The following CREB3L2 variants were observed in gnomAD, a reference collection of about 807,000 sequenced individuals.
CREB3L2 encodes cAMP responsive element binding protein 3 like 2.
CREB3L2 carries 23 observed loss-of-function variants against 57.2 expected under a neutral mutation model. The ratio of observed to expected loss-of-function variants is 0.40; its 90% CI spans 0.29 to 0.57. The LOEUF is 0.57. Among genes scored for constraint, CREB3L2 ranks in the 20% least tolerant of loss-of-function variants. The pLI is 0.42. For synonymous variants in CREB3L2, 268 were observed against 265.1 expected (o/e 1.01, Z -0.11); for missense variants, 628 against 634.7 (o/e 0.99, Z 0.11).
In CREB3L2 at chr7:137,885,392, G is replaced by A; in HGVS notation, c.1143+11C>T. The A allele has an allele frequency of 1.2e-6, 2 of 1,610,864 alleles. No individual in the cohort carries two copies. The highest frequency in any genetic ancestry group is 1.7e-6 in the Non-Finnish European group (2 of 1,177,388). On this transcript the variant is annotated intron_variant, in intron 9 of 11. Transcript: ENST00000330387. ...GGGGCGGTCACTGTGCTACCCTGCTGGGAAGCTCACCATGAGGCAGGTGCC... is the reference window on the plus strand; with the variant it reads ...GGGGCGGTCACTGTGCTACCCTGCTAGGAAGCTCACCATGAGGCAGGTGCC...
At chr7:137,893,642 C>T (rs1799564598) in intron 8 of CREB3L2, among the ~76,000 whole-genome samples, 1 of 152,058 alleles carries the variant, frequency 6.6e-6, no homozygotes, top group African/African-American at 2.4e-5. Context: ...AGAATCCAGT[C>T]AAAACCCAGT....
chr7:137,965,230 T>G (rs1292819720), intron 1 of CREB3L2, among the ~76,000 whole-genome samples: 1 of 152,218 alleles, frequency 6.6e-6, no homozygotes, highest in Non-Finnish European at 1.5e-5. Flanking sequence ...CTCCAGTAAT[T>G]ACTGCTTCCT....
chr7:137,902,194 C>CAAAAAAAAAAAAAA (rs58506555), intron 7 of CREB3L2, among the ~76,000 whole-genome samples: 1 of 84,934 alleles, frequency 1.2e-5, no homozygotes, highest in African/African-American at 3.6e-5. Flanking sequence ...ACTCTGTCTC[C>CAAAAAAAAAAAAAA]AAAAAAAAAA....
chr7:137,892,462 C>A (rs947406705), intron 8 of CREB3L2, among the ~76,000 whole-genome samples: 20 of 152,018 alleles, frequency 1.3e-4, no homozygotes, highest in African/African-American at 4.8e-4. Flanking sequence ...ACCAGCCTGG[C>A]CAACATGGCA....
chr7:137,890,849 A>T (rs73152561), intron 8 of CREB3L2, among the ~76,000 whole-genome samples: 1,984 of 152,342 alleles, frequency 0.013, 21 homozygotes, highest in Non-Finnish European at 0.022. Flanking sequence ...TGGAGAAAAG[A>T]CAGCCAGCAG....
intron 1 of CREB3L2, among the ~76,000 whole-genome samples, chr7:137,952,135 A>G (rs1350024657): frequency 6.6e-6 from 1 of 152,202 alleles, no homozygotes; most frequent in Non-Finnish European, 1.5e-5. Context: ...CCATCCATTA[A>G]TATCTCTGAG....
At position 137,904,096 on chromosome 7, in the gene CREB3L2, T is replaced by C. The variant is rs1034923706; in HGVS notation, c.916-79A>G. 24 of 1,197,552 alleles carry C rather than the reference T, an allele frequency of 2.0e-5. No individual in the cohort carries two copies. The East Asian group carries it at 2.6e-4, about 13-fold the overall frequency. 74.2% of individuals were successfully genotyped at this position (1,197,552 alleles called of 1,614,324 possible). A position where few individuals can be genotyped will look rare whatever the true frequency, so the allele number is the denominator to read the frequency against. On this transcript the variant is annotated intron_variant, in intron 6 of 11. Transcript: ENST00000330387. ...CAGTTAAGATGGGAGGTGGTTAGCGTAGAAGTCACCAAAGCCCTGCTTACT... is the reference window on the plus strand; with the variant it reads ...CAGTTAAGATGGGAGGTGGTTAGCGCAGAAGTCACCAAAGCCCTGCTTACT...
At chr7:137,955,175 T>A in intron 1 of CREB3L2, 1 of 709,548 alleles carries the variant, frequency 1.4e-6, no homozygotes, top group Admixed American at 2.3e-5. Flanking sequence ...CGCTACTACT[T>A]CATCATTAGA....
At position 137,875,211 on chromosome 7, in the gene CREB3L2, T is replaced by C. The variant is rs139209510; in HGVS notation, c.*5265A>G. The C allele has an allele frequency of 1.3e-3, 289 of 214,672 alleles. 1 individual carries two copies. The highest frequency in any genetic ancestry group is 6.0e-3 in the African/African-American group (268 of 44,378). The allele number at this position is 214,672 out of a possible 1,614,324, so 13.3% of individuals were successfully genotyped here. A position where few individuals can be genotyped will look rare whatever the true frequency, so the allele number is the denominator to read the frequency against. The stretch of plus-strand genomic sequence containing the variant: ...AACACTGCTGGTCTACGTAACCTGT[T>C]ACAAAAGAGAGCAAAACCTAACTGT... On this transcript the variant is annotated 3_prime_UTR_variant, in exon 12 of 12. Transcript: ENST00000330387.
At chr7:137,889,864 G>A (rs974293149) in intron 8 of CREB3L2, among the ~76,000 whole-genome samples, 7 of 152,134 alleles carry the variant, frequency 4.6e-5, no homozygotes, top group African/African-American at 7.2e-5. Flanking sequence ...AACTACATAC[G>A]CTAAAATACT....
chr7:137,966,553 T>G (rs1018405215), intron 1 of CREB3L2, among the ~76,000 whole-genome samples: 1 of 152,182 alleles, frequency 6.6e-6, no homozygotes, highest in Non-Finnish European at 1.5e-5. Context: ...AAGAAGAAGA[T>G]TACCTCACTT....
intron 8 of CREB3L2, 22 bp from the exon 9 acceptor site, chr7:137,885,524 G>T: frequency 2.6e-6 from 4 of 1,564,802 alleles, no homozygotes; most frequent in Non-Finnish European, 3.5e-6. Flanking sequence ...AACAACAGCC[G>T]TGAGGGGAGT....
chr7:137,911,226 T>C (rs1336288411), intron 4 of CREB3L2, among the ~76,000 whole-genome samples: 1 of 152,238 alleles, frequency 6.6e-6, no homozygotes. Context: ...GGATTCTAAG[T>C]ATTAACTTTT....
rs139908092 is a variant in CREB3L2 at position 137,908,621 on chromosome 7, C to A, written c.584-185G>T. Among the ~76,000 whole-genome samples, 820 of 152,114 alleles carry A rather than the reference C, an allele frequency of 5.4e-3. 4 individuals are homozygous for A. The highest frequency in any genetic ancestry group is 0.019 in the African/African-American group (798 of 41,476). ...AAAAGGAGAGAAAGAGGATATAGAC[C>A]CACATTTGCTTATACTGGCAGAAAG... On this transcript the variant is annotated intron_variant, in intron 4 of 11. Transcript: ENST00000330387.
intron 1 of CREB3L2, chr7:137,956,543 C>T: frequency 8.5e-7 from 1 of 1,178,332 alleles, no homozygotes; most frequent in African/African-American, 1.6e-5. Context: ...ACCTGAGCTG[C>T]TTTCAAACTG....
chr7:137,904,260 G>C (rs1402097653), intron 6 of CREB3L2, among the ~76,000 whole-genome samples: 1 of 152,234 alleles, frequency 6.6e-6, no homozygotes, highest in Non-Finnish European at 1.5e-5. Context: ...GCCAGGAGCA[G>C]TGGCTTACAC....
At chr7:137,912,817 T>TGCAAAATTTTTATTTGGAA (rs1214472515) in intron 4 of CREB3L2, 174 bp downstream of exon 4, 3 of 1,510,604 alleles carry the variant, frequency 2.0e-6, no homozygotes, top group Middle Eastern at 3.4e-4. Flanking sequence ...ATAGTTAGCT[T>TGCAAAATTTTTATTTGGAA]GCAAAATTTT....
intron 1 of CREB3L2, among the ~76,000 whole-genome samples, chr7:137,970,592 G>GGGGGTGGGT (rs1801490004): frequency 6.6e-6 from 1 of 151,980 alleles, no homozygotes; most frequent in Admixed American, 6.6e-5. Flanking sequence ...GTTCACAGAA[G>GGGGGTGGGT]GGGGTGGGTG....
At chr7:137,959,091 A>G (rs2117283482) in intron 1 of CREB3L2, among the ~76,000 whole-genome samples, 1 of 152,342 alleles carries the variant, frequency 6.6e-6, no homozygotes, top group Non-Finnish European at 1.5e-5. Flanking sequence ...GTTAATGAGG[A>G]CTGTAGAGTC....
Sources: gnomAD v4.1 joint callset for allele counts (sites outside exome capture counted in the v4.1 genomes callset) on GRCh38, gnomAD v4.1.1 for gene constraint, MANE v1.5 for transcripts, NCBI Gene and HGNC (gene_info 2026-07-23, HGNC 2026-07-21) for gene names.